The following RAB38 variants were observed in gnomAD, a reference collection of about 807,000 sequenced individuals.
RAB38 encodes the protein ras-related protein Rab-38.
In RAB38, 15 loss-of-function variants were observed where a neutral mutation model predicts 18.4. That is an observed-to-expected ratio of 0.82 (90% CI 0.55 to 1.26). The LOEUF is 1.26. RAB38 is among the 50% of genes most tolerant of loss of function. The pLI is 0.00. For missense variants in RAB38, 294 were observed against 267.4 expected, an observed-to-expected ratio of 1.10 and a Z score of -0.69; for synonymous variants, 101 against 104.4, an observed-to-expected ratio of 0.97 and a Z score of 0.20.
chr11:87,896,561 A>G, the RAB38 span, among the ~76,000 whole-genome samples: 22 of 151,636 alleles, frequency 1.5e-4, no homozygotes, highest in African/African-American at 4.6e-4. Context: ...AAAATTTTCC[A>G]AAGTAACCAT....
the RAB38 span, among the ~76,000 whole-genome samples, chr11:88,097,355 CAA>C: frequency 6.6e-6 from 1 of 151,808 alleles, no homozygotes; most frequent in Non-Finnish European, 1.5e-5. Flanking sequence ...ATCTGTGCAC[CAA>C]AGAGTTTATA....
chr11:87,970,024 A>C, the RAB38 span, among the ~76,000 whole-genome samples: 2 of 152,074 alleles, frequency 1.3e-5, no homozygotes, highest in East Asian at 3.9e-4. Flanking sequence ...AAAAGTTGTG[A>C]GACCAATGAC....
At chr11:87,875,174 T>G in the RAB38 span, among the ~76,000 whole-genome samples, 1 of 151,584 alleles carries the variant, frequency 6.6e-6, no homozygotes, top group East Asian at 2.0e-4. Context: ...TTTAAATGTC[T>G]TAGAATAAAA....
intron 1 of RAB38, among the ~76,000 whole-genome samples, chr11:88,170,665 T>C (rs1230768920): frequency 2.0e-5 from 3 of 152,244 alleles, no homozygotes; most frequent in Non-Finnish European, 4.4e-5. Flanking sequence ...TCATGTCACA[T>C]GGCTTAGGTG....
chr11:88,173,881 C>T (rs980637846), intron 1 of RAB38: 19 of 985,284 alleles, frequency 1.9e-5, no homozygotes, highest in Non-Finnish European at 2.3e-5. Flanking sequence ...TAAAGAGGCA[C>T]GAAAGTCCCC....
chr11:88,030,198 G>A, the RAB38 span, among the ~76,000 whole-genome samples: 3 of 152,112 alleles, frequency 2.0e-5, no homozygotes, highest in African/African-American at 7.2e-5. Flanking sequence ...AAGACACAAT[G>A]TACCAAAATC....
chr11:88,046,700 C>T, the RAB38 span, among the ~76,000 whole-genome samples: 5 of 152,186 alleles, frequency 3.3e-5, no homozygotes, highest in African/African-American at 1.2e-4. Flanking sequence ...TTCTACAAAA[C>T]ACAACTCCTT....
chr11:88,055,962 AG>A, the RAB38 span, among the ~76,000 whole-genome samples: 1 of 152,062 alleles, frequency 6.6e-6, no homozygotes, highest in Non-Finnish European at 1.5e-5. Flanking sequence ...TTTGCTTTTG[AG>A]GGCCCTCATA....
chr11:87,861,692 G>A, the RAB38 span, among the ~76,000 whole-genome samples: 1 of 151,738 alleles, frequency 6.6e-6, no homozygotes, highest in Non-Finnish European at 1.5e-5. Context: ...GTCCTCCACC[G>A]CAACAATGCT....
the RAB38 span, among the ~76,000 whole-genome samples, chr11:87,917,552 T>C: frequency 4.8e-5 from 5 of 103,518 alleles, no homozygotes; most frequent in South Asian, 3.1e-4. Context: ...TTTTTTTTTT[T>C]CAGGGAGGGA....
At chr11:87,827,669 A>G in the RAB38 span, among the ~76,000 whole-genome samples, 9 of 152,174 alleles carry the variant, frequency 5.9e-5, no homozygotes, top group African/African-American at 2.2e-4. Context: ...GTCTCAGAAT[A>G]TTTCTTGACA....
the RAB38 span, among the ~76,000 whole-genome samples, chr11:88,039,371 G>T: frequency 6.6e-6 from 1 of 151,748 alleles, no homozygotes; most frequent in African/African-American, 2.4e-5. Flanking sequence ...TTTTATGATA[G>T]AACAGCAAAG....
chr11:88,111,203 C>T (rs1262449831), downstream of RAB38, among the ~76,000 whole-genome samples: 2 of 152,156 alleles, frequency 1.3e-5, no homozygotes, highest in African/African-American at 2.4e-5. Flanking sequence ...CCTGACTTCT[C>T]GTCCTTATCA....
chr11:87,844,671 T>C, the RAB38 span, among the ~76,000 whole-genome samples: 2 of 152,232 alleles, frequency 1.3e-5, no homozygotes, highest in African/African-American at 4.8e-5. Context: ...ATGAGCCTGC[T>C]ACAACTCTGC....
Position 88,175,264 on chromosome 11 carries a change from T to C in RAB38, c.121A>G (p.Thr41Ala). ...TTGAGCGCGAAGTCCACGCCGATTG[T>C]GGCCCGGTAGTGCGAAGAGAAGTTC... ...HQNFSSHYRA[T>A]IGVDFALKVL... is the part of the protein sequence containing the mutation. Residue 41 changes from threonine to alanine, a missense_variant, in exon 1 of 3, where the codon ACA becomes GCA. Physicochemically the swap from Thr to Ala is moderately conservative, Grantham distance 58 (BLOSUM62 0). Transcript: ENST00000243662. 1 of 1,614,184 alleles carries C rather than the reference T, an allele frequency of 6.2e-7. No homozygotes were observed. Among genetic ancestry groups the C allele is most frequent in the Non-Finnish European group, 8.5e-7 (1 of 1,180,032 alleles).
the RAB38 span, among the ~76,000 whole-genome samples, chr11:87,858,618 C>G: frequency 1.3e-5 from 2 of 151,956 alleles, no homozygotes; most frequent in African/African-American, 4.8e-5. Flanking sequence ...AAGGAAATCT[C>G]AAATGCCATT....
the RAB38 span, among the ~76,000 whole-genome samples, chr11:87,933,151 G>C: frequency 6.6e-6 from 1 of 152,104 alleles, no homozygotes; most frequent in Non-Finnish European, 1.5e-5. Flanking sequence ...GCAACTGCTA[G>C]GTGTTTTGAA....
At chr11:87,935,741 C>T in the RAB38 span, among the ~76,000 whole-genome samples, 18 of 152,042 alleles carry the variant, frequency 1.2e-4, 1 homozygote, top group South Asian at 2.9e-3. Flanking sequence ...CTTTTATAGT[C>T]ACACCCACTC....
chr11:88,048,669 C>T, the RAB38 span, among the ~76,000 whole-genome samples: 1 of 152,264 alleles, frequency 6.6e-6, no homozygotes, highest in South Asian at 2.1e-4. Flanking sequence ...ACTTGTCATC[C>T]CTACTGTCTT....
Sources: allele counts gnomAD v4.1 joint callset (sites outside exome capture counted in the v4.1 genomes callset), GRCh38; gene constraint gnomAD v4.1.1; transcripts MANE v1.5; gene names NCBI Gene and HGNC (gene_info 2026-07-23, HGNC 2026-07-21).